Variants in CACNA1A observed in about 807,000 individuals in gnomAD.
CACNA1A encodes the protein voltage-dependent P/Q-type calcium channel subunit alpha-1A.
Under a neutral mutation model 262.4 loss-of-function variants are expected in CACNA1A, and 57 were observed. The ratio of observed to expected loss-of-function variants is 0.22; its 90% CI spans 0.18 to 0.27. CACNA1A has a LOEUF of 0.27. Among genes scored for constraint, CACNA1A ranks in the 10% least tolerant of loss-of-function variants. The pLI, the probability that CACNA1A is intolerant of heterozygous loss-of-function variation, is 1.00. For synonymous variants in CACNA1A, 1,431 were observed against 1,419.3 expected (o/e 1.01, Z -0.18); for missense variants, 2,526 against 3,562.8 (o/e 0.71, Z 7.41).
chr19:13,473,625 A>G (rs1488265282), intron 1 of CACNA1A, among the ~76,000 whole-genome samples: 1 of 152,094 alleles, frequency 6.6e-6, no homozygotes, highest in Non-Finnish European at 1.5e-5. Flanking sequence ...GTATTTGCCT[A>G]TTCCTTATTT....
rs1981842767 is a variant in CACNA1A, at chr19:13,497,577, T to TATATAA, written c.293+8354_293+8355insTTATAT. Among the ~76,000 whole-genome samples, 5 of 21,518 alleles carry TATATAA rather than the reference T, an allele frequency of 2.3e-4. 1 individual carries two copies. Among genetic ancestry groups the TATATAA allele is most frequent in the African/African-American group, 3.0e-4 (1 of 3,312 alleles). The allele number at this position is 21,518 out of a possible 152,430, so 14.1% of individuals were successfully genotyped here. A position where few individuals can be genotyped will look rare whatever the true frequency, so the allele number is the denominator to read the frequency against. ...ATATATATATATATATATATATATA[T>TATATAA]ATAAATTTATGTTGTTAAAGCTGGG... On this transcript the variant is annotated intron_variant, in intron 1 of 46. Coordinates refer to ENST00000360228, the MANE Select transcript of CACNA1A (RefSeq NM_001127222.2).
intron 19 of CACNA1A, among the ~76,000 whole-genome samples, chr19:13,290,756 C>CAT (rs140745309): frequency 1.3e-5 from 2 of 151,830 alleles, no homozygotes; most frequent in Non-Finnish European, 2.9e-5. Context: ...TATACATACA[C>CAT]ATATATATAC....
intron 6 of CACNA1A, 98 bp downstream of exon 6, chr19:13,359,508 C>T: frequency 1.1e-6 from 1 of 947,358 alleles, no homozygotes; most frequent in Non-Finnish European, 1.6e-6. Flanking sequence ...TTTCCCAGCT[C>T]AGGGTCCCTC....
rs1199585913 is a variant in CACNA1A at position 13,247,741 on chromosome 19, T to TAAATAAATAAAA, written c.4867-2477_4867-2476insTTTTATTTATTT. Among the ~76,000 whole-genome samples, 117 of 151,624 alleles carry TAAATAAATAAAA rather than the reference T, an allele frequency of 7.7e-4. 1 individual carries two copies. The highest frequency in any genetic ancestry group is 2.7e-3 in the African/African-American group (111 of 41,388). ...ATAAATAAATAAATAAATAAATAAATAAAAAGGAATTCAGGTCCCACTGGC... is the reference window on the plus strand; with the variant it reads ...ATAAATAAATAAATAAATAAATAAATAAATAAATAAAAAAAAAGGAATTCAGGTCCCACTGGC... On this transcript the variant is annotated intron_variant, in intron 30 of 46. Transcript: ENST00000360228.
chr19:13,346,649 TATATATATATA>T (rs2058782495), intron 6 of CACNA1A, among the ~76,000 whole-genome samples: 1 of 6,138 alleles, frequency 1.6e-4, no homozygotes, highest in Non-Finnish European at 2.9e-4. Flanking sequence ...TATATATATA[TATATATATATA>T]TATATATTTT....
At chr19:13,270,066 G>A (rs570448656) in intron 24 of CACNA1A, among the ~76,000 whole-genome samples, 1 of 152,248 alleles carries the variant, frequency 6.6e-6, no homozygotes, top group South Asian at 2.1e-4. Flanking sequence ...CCAGGCTGCT[G>A]AGCATCATTC....
At chr19:13,410,069 T>C (rs771015307) in intron 3 of CACNA1A, among the ~76,000 whole-genome samples, 41 of 152,182 alleles carry the variant, frequency 2.7e-4, no homozygotes, top group Non-Finnish European at 4.7e-4. Context: ...GATAACTGTG[T>C]GTGCTGTCAT....
intron 24 of CACNA1A, among the ~76,000 whole-genome samples, chr19:13,266,215 CT>C (rs561024736): frequency 6.7e-6 from 1 of 150,310 alleles, no homozygotes; most frequent in Non-Finnish European, 1.5e-5. Flanking sequence ...ATATAGTTTC[CT>C]TTTTTTTTAT....
intron 5 of CACNA1A, among the ~76,000 whole-genome samples, chr19:13,361,515 T>G (rs780739567): frequency 1.1e-4 from 17 of 152,098 alleles, no homozygotes; most frequent in Admixed American, 2.6e-4. Context: ...AACAGCTGAG[T>G]GTGTGTAAAC....
intron 27 of CACNA1A, 121 bp from the exon 28 acceptor site, chr19:13,257,672 T>A: frequency 1.9e-6 from 1 of 528,356 alleles, no homozygotes; most frequent in Non-Finnish European, 3.3e-6. Flanking sequence ...CAGAGGGAAA[T>A]GAAAAAGAAA....
chr19:13,375,910 AAAGT>A (rs1199221108), intron 3 of CACNA1A, among the ~76,000 whole-genome samples: 2 of 152,230 alleles, frequency 1.3e-5, no homozygotes, highest in Non-Finnish European at 2.9e-5. Flanking sequence ...GAATGATAAG[AAAGT>A]AAGACAGGCT....
chr19:13,366,767 G>T (rs979962630), intron 4 of CACNA1A, among the ~76,000 whole-genome samples: 10 of 152,104 alleles, frequency 6.6e-5, no homozygotes, highest in African/African-American at 2.4e-4. Flanking sequence ...CCAAGAGGCG[G>T]TGTCTTTTCC....
intron 1 of CACNA1A, among the ~76,000 whole-genome samples, chr19:13,480,233 C>CACCTCT (rs1388405529): frequency 6.6e-6 from 1 of 152,182 alleles, no homozygotes; most frequent in Non-Finnish European, 1.5e-5. Flanking sequence ...CTTCCACCTC[C>CACCTCT]ACCTCTGCCA....
At chr19:13,304,833 A>G (rs1348730284) in intron 15 of CACNA1A, among the ~76,000 whole-genome samples, 1 of 152,142 alleles carries the variant, frequency 6.6e-6, no homozygotes, top group Non-Finnish European at 1.5e-5. Context: ...CTCCAGAACT[A>G]TGAGAGAATA....
At chr19:13,369,734 C>T (rs888080248) in intron 4 of CACNA1A, among the ~76,000 whole-genome samples, 4 of 152,200 alleles carry the variant, frequency 2.6e-5, no homozygotes, top group African/African-American at 9.7e-5. Context: ...GAACTCCTAG[C>T]CTCAGGCAAT....
At position 13,299,028 on chromosome 19, in the gene CACNA1A, G is replaced by A. The variant is rs1431409457; in HGVS notation, c.2605C>T (p.Arg869Trp). Residue 869 changes from arginine to tryptophan, a missense_variant, in exon 19 of 47, where the codon CGG (arginine) becomes TGG (tryptophan). By Grantham distance (101) the Arg-to-Trp change is moderately radical. Around this residue, in one of 17 missense-constraint regions of CACNA1A, gnomAD observed 765 missense variants for 748.6 expected, o/e 1.02. Coordinates refer to ENST00000360228, the MANE Select transcript of CACNA1A (RefSeq NM_001127222.2). Reference protein sequence around the residue: ...RKQARYHDRARDPSGSAGLDA... With the variant: ...RKQARYHDRAWDPSGSAGLDA... ...AGGCCCGCCGAGCCGCTGGGGTCCC[G>A]GGCCCGATCGTGGTAGCGGGCCTGT... 6 of 1,592,256 alleles carry A rather than the reference G, an allele frequency of 3.8e-6. No individual in the cohort carries two copies. In the East Asian group the frequency reaches 6.8e-5, roughly 18 times the overall value.
At chr19:13,329,242 C>A (rs1211482584) in intron 10 of CACNA1A, among the ~76,000 whole-genome samples, 2 of 152,150 alleles carry the variant, frequency 1.3e-5, no homozygotes, top group African/African-American at 4.8e-5. Context: ...CCCTGCCTCT[C>A]ACACTGTTCC....
At chr19:13,465,135 T>A (rs2061210638) in intron 1 of CACNA1A, among the ~76,000 whole-genome samples, 1 of 151,648 alleles carries the variant, frequency 6.6e-6, no homozygotes, top group African/African-American at 2.4e-5. Context: ...TTCACCATGT[T>A]GGCCAGGCTA....
chr19:13,220,973 C>A (rs1289979039), intron 38 of CACNA1A, among the ~76,000 whole-genome samples: 1 of 151,662 alleles, frequency 6.6e-6, no homozygotes, highest in Non-Finnish European at 1.5e-5. Context: ...TTAACAATAT[C>A]TGTCCTCCAC....
Sources: gnomAD v4.1 joint callset for allele counts (sites outside exome capture counted in the v4.1 genomes callset) on GRCh38, gnomAD v4.1.1 for gene constraint, gnomAD v4.1.1 regional missense constraint, MANE v1.5 for transcripts, NCBI Gene and HGNC (gene_info 2026-07-23, HGNC 2026-07-21) for gene names.